PACRGL: variants seen among roughly 807,000 people sequenced by gnomAD.
The protein encoded by PACRGL is parkin coregulated like.
Under a neutral mutation model 34.5 loss-of-function variants are expected in PACRGL, and 38 were observed. The observed-to-expected ratio is 1.10, with a 90% CI of 0.85 to 1.44. The LOEUF (loss-of-function observed/expected upper bound fraction) is 1.44. PACRGL is among the 40% of genes most tolerant of loss of function. The probability of loss-of-function intolerance (pLI) is 0.00; values close to 1 mark genes in which losing one functional copy is unlikely to be tolerated. For missense variants in PACRGL, 305 were observed against 281.4 expected (o/e 1.08, Z -0.60); for synonymous variants, 128 against 100.1 (o/e 1.28, Z -1.66).
At chr4:20,750,635 TAA>T (rs1161764754) in intron 8 of PACRGL, among the ~76,000 whole-genome samples, 1 of 152,216 alleles carries the variant, frequency 6.6e-6, no homozygotes, top group African/African-American at 2.4e-5. Context: ...CCATTTCATT[TAA>T]AAGTCTGTAT....
In PACRGL at chr4:20,719,714, T is replaced by A. The variant is rs545012500; in HGVS notation, c.610-5094T>A. On this transcript the variant is annotated intron_variant, in intron 7 of 8. Coordinates refer to ENST00000503585, the MANE Select transcript of PACRGL (RefSeq NM_001258345.3). Reference sequence around the variant, plus strand: ...GAGAGACAGTTTGTTATAATTTCTGTTCTTTTACATTTGCTGAGGAGTGCT... The same window carrying A: ...GAGAGACAGTTTGTTATAATTTCTGATCTTTTACATTTGCTGAGGAGTGCT... Among the ~76,000 whole-genome samples, 636 of 152,170 alleles carry A rather than the reference T, an allele frequency of 4.2e-3. 8 individuals are homozygous for A. Among genetic ancestry groups the A allele is most frequent in the Admixed American group, 0.012 (178 of 15,294 alleles).
At chr4:20,725,279 C>T (rs1206865379) in intron 8 of PACRGL, among the ~76,000 whole-genome samples, 1 of 151,976 alleles carries the variant, frequency 6.6e-6, no homozygotes, top group Non-Finnish European at 1.5e-5. Flanking sequence ...CTTTCATTTG[C>T]TGCCTTTTCT....
chr4:20,726,279 T>C (rs1745587006), intron 8 of PACRGL, among the ~76,000 whole-genome samples: 1 of 151,664 alleles, frequency 6.6e-6, no homozygotes, highest in African/African-American at 2.4e-5. Context: ...CCCAGAAATA[T>C]CAAATTCTTT....
Position 20,731,990 on chromosome 4 carries a change from C to T in PACRGL, c.*4649C>T, listed in dbSNP as rs2149261951. The stretch of plus-strand genomic sequence containing the variant: ...ATGATAGCTGAATTGATAGTTATTA[C>T]ACTTTCATTACTTACTTTTTGGCAG... On this transcript the variant is annotated 3_prime_UTR_variant, in exon 9 of 9. Transcript: ENST00000503585. 6.2e-7 allele frequency: 1 copy of T among 1,612,732 alleles called. No individual in the cohort carries two copies. The highest frequency in any genetic ancestry group is 8.5e-7 in the Non-Finnish European group (1 of 1,179,462).
Position 20,729,025 on chromosome 4 carries a change from G to A in PACRGL, c.*1684G>A, listed in dbSNP as rs1746956446. On this transcript the variant is annotated 3_prime_UTR_variant, in exon 9 of 9. Transcript: ENST00000503585. ...TCTTGGTAGTAGTTGTCAATGTAAT[G>A]GAACCACTGGTGCTTTCAAAGTGAA... The A allele has an allele frequency of 6.6e-6, 1 of 152,202 alleles. No homozygotes were observed. Among genetic ancestry groups the A allele is most frequent in the South Asian group, 2.1e-4 (1 of 4,790 alleles). The allele number at this position is 152,202 out of a possible 1,614,324, so 9.4% of individuals were successfully genotyped here. A position where few individuals can be genotyped will look rare whatever the true frequency, so the allele number is the denominator to read the frequency against.
intron 8 of PACRGL, among the ~76,000 whole-genome samples, chr4:20,740,985 A>G (rs1381427987): frequency 6.6e-6 from 1 of 152,248 alleles, no homozygotes; most frequent in Non-Finnish European, 1.5e-5. Context: ...AGGCTATTAC[A>G]TAATGGTAAA....
Position 20,727,324 on chromosome 4 carries a change from T to C in PACRGL, c.730T>C (p.Cys244Arg). Residue 244 changes from cysteine (C) to arginine (R), a missense_variant, in exon 9 of 9, where the codon TGC becomes CGC. Coordinates refer to ENST00000503585, the MANE Select transcript of PACRGL (RefSeq NM_001258345.3). Reference protein sequence around the residue: ...SIIKSKIPTYCSICC With the variant: ...SIIKSKIPTYRSICC ...CATCAAATCTAAAATTCCAACATAC[T>C]GCTCCATATGCTGTTGAAGAAGGGA... The C allele has an allele frequency of 2.5e-6, 4 of 1,612,840 alleles. No individual in the cohort carries two copies. Among genetic ancestry groups the C allele is most frequent in the Non-Finnish European group, 3.4e-6 (4 of 1,179,014 alleles).
chr4:20,753,250 G>A (rs1017261109), downstream of PACRGL, among the ~76,000 whole-genome samples: 4 of 152,070 alleles, frequency 2.6e-5, no homozygotes, highest in African/African-American at 9.7e-5. Flanking sequence ...AGTTGGCAAT[G>A]GAATCAAGAT....
downstream of PACRGL, among the ~76,000 whole-genome samples, chr4:20,737,150 A>G (rs977354028): frequency 1.3e-5 from 2 of 152,210 alleles, no homozygotes; most frequent in Non-Finnish European, 2.9e-5. Context: ...AAGTGAGAGA[A>G]AAACAAGATT....
the PACRGL span, among the ~76,000 whole-genome samples, chr4:20,758,377 G>C: frequency 6.6e-6 from 1 of 152,112 alleles, no homozygotes; most frequent in Non-Finnish European, 1.5e-5. Context: ...ACCCAGATCT[G>C]CCACTGAGTC....
intron 8 of PACRGL, among the ~76,000 whole-genome samples, chr4:20,752,055 G>GTTTTTTTTTTT (rs33912651): frequency 1.6e-5 from 2 of 121,674 alleles, no homozygotes; most frequent in South Asian, 5.9e-4. Context: ...ACTTCATAGA[G>GTTTTTTTTTTT]TTTTTTTTTT....
Position 20,700,609 on chromosome 4 carries a change from C to A in PACRGL, c.-195C>A, listed in dbSNP as rs1458545901. On this transcript the variant is annotated 5_prime_UTR_variant, in exon 1 of 9. Transcript: ENST00000503585. ...AACGGGTCCCCGGAGCCGTGAACCG[C>A]GGGTACAGGTGTCCTGTCTGCGCTC... 2 of 152,086 alleles carry A rather than the reference C, an allele frequency of 1.3e-5. No individual in the cohort carries two copies. The highest frequency in any genetic ancestry group is 6.6e-5 in the Admixed American group (1 of 15,264). The allele number at this position is 152,086 out of a possible 1,614,324, so 9.4% of individuals were successfully genotyped here.
At chr4:20,709,855 A>C in intron 5 of PACRGL, 82 bp downstream of exon 5, 1 of 1,175,326 alleles carries the variant, frequency 8.5e-7, no homozygotes, top group South Asian at 1.3e-5. Context: ...CTTGTCAGTA[A>C]ATTTCATTCT....
chr4:20,739,681 C>G (rs567435060), intron 8 of PACRGL, among the ~76,000 whole-genome samples: 25 of 152,130 alleles, frequency 1.6e-4, no homozygotes, highest in Middle Eastern at 3.2e-3. Context: ...ATCAGAGAAC[C>G]TCTTCTCCAA....
chr4:20,739,395 G>T (rs1433668993), intron 8 of PACRGL, among the ~76,000 whole-genome samples: 1 of 152,098 alleles, frequency 6.6e-6, no homozygotes, highest in Non-Finnish European at 1.5e-5. Context: ...CCAGAGGAAG[G>T]ATCAGGCAGC....
At chr4:20,764,350 C>A in the PACRGL span, among the ~76,000 whole-genome samples, 1 of 151,994 alleles carries the variant, frequency 6.6e-6, no homozygotes, top group African/African-American at 2.4e-5. Flanking sequence ...ACATTTTTTA[C>A]ATCATGATTT....
At chr4:20,697,892 C>T (rs965813893), upstream of PACRGL, among the ~76,000 whole-genome samples, 2 of 152,186 alleles carry the variant, frequency 1.3e-5, no homozygotes, top group Non-Finnish European at 2.9e-5. Flanking sequence ...CCTATGACTT[C>T]ATCGCCACCC....
chr4:20,721,301 G>A (rs774486372), intron 7 of PACRGL, among the ~76,000 whole-genome samples: 21 of 150,898 alleles, frequency 1.4e-4, no homozygotes, highest in East Asian at 9.8e-4. Context: ...AAGTTTGATC[G>A]TCTGAAGCCT....
At chr4:20,709,038 C>A (rs1735866597) in intron 4 of PACRGL, among the ~76,000 whole-genome samples, 1 of 151,674 alleles carries the variant, frequency 6.6e-6, no homozygotes, top group South Asian at 2.1e-4. Context: ...ACTGGGGAGG[C>A]TTAGGCAGGA....
Sources: allele counts gnomAD v4.1 joint callset (sites outside exome capture counted in the v4.1 genomes callset), GRCh38; gene constraint gnomAD v4.1.1; transcripts MANE v1.5; gene names NCBI Gene and HGNC (gene_info 2026-07-23, HGNC 2026-07-21).